Variants in SLC35D2 observed in about 807,000 individuals in gnomAD.
SLC35D2 encodes solute carrier family 35 member D2.
A neutral mutation model predicts 41.8 loss-of-function variants in SLC35D2; 43 were observed. The ratio of observed to expected loss-of-function variants is 1.03; its 90% confidence interval spans 0.81 to 1.33. The LOEUF is 1.33. SLC35D2 is among the 40% of genes most tolerant of loss of function. SLC35D2 has a pLI of 0.00. For missense variants in SLC35D2, 380 were observed against 408.4 expected (o/e 0.93, Z 0.60); for synonymous variants, 150 against 163.9 (o/e 0.92, Z 0.65).
chr9:96,328,540 G>A (rs772381659), intron 9 of SLC35D2, among the ~76,000 whole-genome samples: 5 of 152,194 alleles, frequency 3.3e-5, no homozygotes, highest in Non-Finnish European at 7.3e-5. Context: ...GGCCCCCAGG[G>A]TGGAGGTGCC....
downstream of SLC35D2, among the ~76,000 whole-genome samples, chr9:96,317,792 G>A (rs1352320343): frequency 6.6e-6 from 1 of 151,802 alleles, no homozygotes; most frequent in Non-Finnish European, 1.5e-5. Flanking sequence ...GGGAGGCCGA[G>A]GAGGGTGGAT....
Position 96,362,870 on chromosome 9 carries a change from GTTT to G in SLC35D2, c.279+1591_279+1593del, listed in dbSNP as rs534159570. Among the ~76,000 whole-genome samples the G allele has an allele frequency of 2.6e-3, 362 of 139,016 alleles. 1 individual carries two copies. Among genetic ancestry groups the G allele is most frequent in the African/African-American group, 8.8e-3 (338 of 38,220 alleles). The allele number at this position is 139,016 out of a possible 152,430, so 91.2% of individuals were successfully genotyped here. On this transcript the variant is annotated intron_variant, in intron 3 of 11. Coordinates refer to ENST00000253270, the MANE Select transcript of SLC35D2 (RefSeq NM_007001.3). ...CTCTTTTTCTGGATGTCCCTGTTTT[GTTT>G]TTTTTTTTTTTGAGATGGGGTCTCA...
intron 1 of SLC35D2, among the ~76,000 whole-genome samples, chr9:96,379,376 C>G (rs1174785107): frequency 6.6e-6 from 1 of 151,988 alleles, no homozygotes; most frequent in Non-Finnish European, 1.5e-5. Flanking sequence ...TCCCCTCTCG[C>G]CCCAATAGGT....
chr9:96,350,471 G>T (rs935629360), intron 6 of SLC35D2, among the ~76,000 whole-genome samples: 4 of 145,002 alleles, frequency 2.8e-5, no homozygotes, highest in Admixed American at 7.2e-5. Context: ...TGGGATTATA[G>T]GGGTGAGCCA....
chr9:96,346,830 TA>T (rs71498993), intron 6 of SLC35D2, among the ~76,000 whole-genome samples: 820 of 135,674 alleles, frequency 6.0e-3, no homozygotes, highest in Middle Eastern at 0.011. Context: ...AGTCACAATT[TA>T]AAAAAAAAAA....
intron 9 of SLC35D2, among the ~76,000 whole-genome samples, chr9:96,333,941 G>A (rs1056771379): frequency 9.2e-5 from 14 of 152,160 alleles, no homozygotes; most frequent in Middle Eastern, 3.4e-3. Context: ...CTTATTTTTC[G>A]ATTAGAGAGA....
downstream of SLC35D2, among the ~76,000 whole-genome samples, chr9:96,319,725 C>G (rs965702862): frequency 1.3e-5 from 2 of 152,112 alleles, no homozygotes; most frequent in Non-Finnish European, 2.9e-5. Context: ...GCCTCAAACT[C>G]CTAGGCTCAA....
At chr9:96,372,475 A>G (rs914245611) in intron 1 of SLC35D2, among the ~76,000 whole-genome samples, 2 of 152,102 alleles carry the variant, frequency 1.3e-5, no homozygotes, top group African/African-American at 2.4e-5. Flanking sequence ...GAAAAGAAGA[A>G]AAGAAACTTT....
At chr9:96,355,753 T>TC (rs1390068795) in intron 4 of SLC35D2, among the ~76,000 whole-genome samples, 1 of 151,884 alleles carries the variant, frequency 6.6e-6, no homozygotes, top group Non-Finnish European at 1.5e-5. Flanking sequence ...TGCCTTGGCC[T>TC]CCAAAGTGCT....
intron 5 of SLC35D2, among the ~76,000 whole-genome samples, chr9:96,351,389 T>C (rs557960977): frequency 6.6e-6 from 1 of 152,170 alleles, no homozygotes; most frequent in East Asian, 1.9e-4. Flanking sequence ...TACAAACTGA[T>C]TTCTCTGTTC....
At chr9:96,364,245 G>A (rs1172616232) in intron 3 of SLC35D2, among the ~76,000 whole-genome samples, 2 of 152,196 alleles carry the variant, frequency 1.3e-5, no homozygotes, top group East Asian at 3.9e-4. Flanking sequence ...TGAGGCACGA[G>A]AATCACTTGA....
chr9:96,371,474 C>CAAAAAAAAAAAAAAA lies in SLC35D2; in HGVS notation c.159-3184_159-3170dup, dbSNP rs539576375. Among the ~76,000 whole-genome samples, 136 of 46,646 alleles carry CAAAAAAAAAAAAAAA rather than the reference C, an allele frequency of 2.9e-3. 4 individuals are homozygous for CAAAAAAAAAAAAAAA. The highest frequency in any genetic ancestry group is 4.0e-3 in the Admixed American group (9 of 2,258). 30.6% of individuals were successfully genotyped at this position (46,646 alleles called of 152,430 possible). ...TGGGTGACAGAGCGAGACTCTGTCT[C>CAAAAAAAAAAAAAAA]AAAAAAAAAAAAAAAAAAAAAAAAA... On this transcript the variant is annotated intron_variant, in intron 1 of 11. Coordinates refer to ENST00000253270, the MANE Select transcript of SLC35D2 (RefSeq NM_007001.3).
chr9:96,325,411 G>A lies in SLC35D2; in HGVS notation c.753-1242C>T, dbSNP rs149334525. ...CTAAATCCCAGGTCAGGTTCGGCAC[G>A]GTGGCTCATGCCCATAATCCCAGCA... On this transcript the variant is annotated intron_variant, in intron 9 of 11. Transcript: ENST00000253270. Among the ~76,000 whole-genome samples the A allele has an allele frequency of 6.1e-3, 934 of 152,264 alleles. 9 individuals are homozygous for A. The highest frequency in any genetic ancestry group is 0.021 in the African/African-American group (881 of 41,566).
At chr9:96,330,026 C>T (rs1359475465) in intron 9 of SLC35D2, among the ~76,000 whole-genome samples, 4 of 152,244 alleles carry the variant, frequency 2.6e-5, no homozygotes, top group South Asian at 2.1e-4. Flanking sequence ...GGCCTGAGAA[C>T]GAGCGAAGCC....
At chr9:96,325,124 A>G (rs1828462661) in intron 9 of SLC35D2, among the ~76,000 whole-genome samples, 1 of 152,258 alleles carries the variant, frequency 6.6e-6, no homozygotes, top group Non-Finnish European at 1.5e-5. Flanking sequence ...GACCGTAGGT[A>G]TTGATACTTA....
chr9:96,320,298 G>T (rs1828162272), downstream of SLC35D2, among the ~76,000 whole-genome samples: 1 of 152,206 alleles, frequency 6.6e-6, no homozygotes, highest in Non-Finnish European at 1.5e-5. Context: ...CAGATCACCT[G>T]AGGTCAGGAG....
chr9:96,346,859 A>T (rs1352954222), intron 6 of SLC35D2, among the ~76,000 whole-genome samples: 1 of 151,296 alleles, frequency 6.6e-6, no homozygotes, highest in Non-Finnish European at 1.5e-5. Flanking sequence ...ATTTTTGGCC[A>T]GGCGTGGTGG....
At chr9:96,318,335 G>C (rs1828107654), downstream of SLC35D2, among the ~76,000 whole-genome samples, 2 of 151,772 alleles carry the variant, frequency 1.3e-5, no homozygotes, top group Admixed American at 1.3e-4. Context: ...TTTTTTAGTA[G>C]TGGTCCCAGC....
chr9:96,319,306 A>G (rs1444699275), downstream of SLC35D2, among the ~76,000 whole-genome samples: 2 of 152,116 alleles, frequency 1.3e-5, no homozygotes, highest in Non-Finnish European at 2.9e-5. Context: ...CAAACTCACA[A>G]AGAGAGTAGA....
Sources: gnomAD v4.1 joint callset for allele counts (sites outside exome capture counted in the v4.1 genomes callset) on GRCh38, gnomAD v4.1.1 for gene constraint, MANE v1.5 for transcripts, NCBI Gene and HGNC (gene_info 2026-07-23, HGNC 2026-07-21) for gene names.